PRORP: variants seen among roughly 807,000 people sequenced by gnomAD.
PRORP encodes the protein protein only RNase P catalytic subunit.
PRORP carries 51 observed loss-of-function variants against 59.4 expected under a neutral mutation model. The ratio of observed to expected loss-of-function variants is 0.86; its 90% CI spans 0.69 to 1.08. PRORP has a LOEUF of 1.08. PRORP is among the 50% of genes least tolerant of loss of function. PRORP has a pLI of 0.00. For synonymous variants in PRORP, 231 were observed against 245.6 expected, an observed-to-expected ratio of 0.94 and a Z score of 0.55; for missense variants, 646 against 690.3, an observed-to-expected ratio of 0.94 and a Z score of 0.72.
chr14:35,142,115 C>G (rs572611996), intron 4 of PRORP, among the ~76,000 whole-genome samples: 2 of 144,194 alleles, frequency 1.4e-5, no homozygotes, highest in African/African-American at 2.4e-5. Context: ...CTGACCTCAG[C>G]TGATCCATCC....
chr14:35,214,401 G>A (rs1018355394), intron 5 of PRORP, among the ~76,000 whole-genome samples: 2 of 152,132 alleles, frequency 1.3e-5, no homozygotes, highest in African/African-American at 2.4e-5. Context: ...CTCATATTAC[G>A]ATTTTGTTTT....
chr14:35,215,747 C>T (rs769960187), intron 5 of PRORP, among the ~76,000 whole-genome samples: 36 of 151,806 alleles, frequency 2.4e-4, no homozygotes, highest in Non-Finnish European at 3.2e-4. Flanking sequence ...GCCCAGGTGA[C>T]AGAGTAAGAC....
chr14:35,127,207 A>G (rs1225272658), intron 3 of PRORP, among the ~76,000 whole-genome samples: 1 of 152,094 alleles, frequency 6.6e-6, no homozygotes, highest in Non-Finnish European at 1.5e-5. Context: ...CCTGGCCAAC[A>G]TGTTGAAACC....
chr14:35,136,301 C>T (rs1001199485), intron 4 of PRORP, among the ~76,000 whole-genome samples: 1 of 152,112 alleles, frequency 6.6e-6, no homozygotes, highest in Non-Finnish European at 1.5e-5. Flanking sequence ...TTTTGTCACC[C>T]TGGAAAGATG....
At chr14:35,253,073 C>T (rs1370526012) in intron 5 of PRORP, among the ~76,000 whole-genome samples, 1 of 152,232 alleles carries the variant, frequency 6.6e-6, no homozygotes, top group East Asian at 1.9e-4. Context: ...GTGGCTCATG[C>T]CTGTAATCCC....
chr14:35,181,894 T>C (rs929566931), intron 5 of PRORP, among the ~76,000 whole-genome samples: 3 of 150,448 alleles, frequency 2.0e-5, no homozygotes, highest in African/African-American at 7.4e-5. Flanking sequence ...ATGGGAAGAA[T>C]AGAAAAATTT....
At chr14:35,178,910 T>C (rs1353299093) in intron 4 of PRORP, among the ~76,000 whole-genome samples, 2 of 152,202 alleles carry the variant, frequency 1.3e-5, no homozygotes, top group Non-Finnish European at 2.9e-5. Context: ...AGTGCTTCCT[T>C]CAGAAGCTCT....
intron 5 of PRORP, among the ~76,000 whole-genome samples, chr14:35,193,929 TGTCCTTCTTTGAAGAA>T (rs1289489580): frequency 1.3e-5 from 2 of 152,214 alleles, no homozygotes; most frequent in Non-Finnish European, 2.9e-5. Flanking sequence ...CACACTTGGG[TGTCCTTCTTTGAAGAA>T]CATACTGTCT....
At chr14:35,174,739 CTTTTTTTTTTCTTT>C (rs1049250538) in intron 4 of PRORP, among the ~76,000 whole-genome samples, 2 of 110,360 alleles carry the variant, frequency 1.8e-5, no homozygotes, top group East Asian at 2.5e-4. Context: ...GTTCATTCTT[CTTTTTTTTTTCTTT>C]TTTTTTTTTT....
chr14:35,149,291 TG>T (rs1425267668), intron 4 of PRORP, among the ~76,000 whole-genome samples: 2 of 151,898 alleles, frequency 1.3e-5, no homozygotes, highest in Non-Finnish European at 2.9e-5. Flanking sequence ...CATAGTCCAC[TG>T]GGGCCTCGAA....
At chr14:35,152,657 G>T (rs954234284) in intron 4 of PRORP, among the ~76,000 whole-genome samples, 1 of 150,518 alleles carries the variant, frequency 6.6e-6, no homozygotes, top group African/African-American at 2.5e-5. Flanking sequence ...TGGCGGAGAC[G>T]CTCCTCACTT....
intron 4 of PRORP, among the ~76,000 whole-genome samples, chr14:35,161,077 CCG>C (rs141266832): frequency 0.4 from 60,826 of 151,820 alleles, 12,645 homozygotes; most frequent in East Asian, 0.68. Flanking sequence ...CATGTGAAGA[CCG>C]GAGCCCATTT....
intron 5 of PRORP, among the ~76,000 whole-genome samples, chr14:35,221,976 C>G (rs1453064785): frequency 6.6e-6 from 1 of 152,164 alleles, no homozygotes; most frequent in Non-Finnish European, 1.5e-5. Flanking sequence ...AGTCACTTCA[C>G]TTGTCTTGTA....
chr14:35,228,811 A>G (rs1252119175), intron 5 of PRORP, among the ~76,000 whole-genome samples: 1 of 152,206 alleles, frequency 6.6e-6, no homozygotes, highest in Non-Finnish European at 1.5e-5. Flanking sequence ...TATTTTTAAT[A>G]TATACCCAGT....
At chr14:35,142,800 G>A (rs1375770086) in intron 4 of PRORP, among the ~76,000 whole-genome samples, 1 of 143,946 alleles carries the variant, frequency 6.9e-6, no homozygotes, top group African/African-American at 2.5e-5. Flanking sequence ...CTGAGATCGC[G>A]CCACTGCATT....
At chr14:35,122,229 G>C (rs2046932912), upstream of PRORP, 2 of 471,080 alleles carry the variant, frequency 4.2e-6, no homozygotes, top group South Asian at 2.7e-5. Flanking sequence ...CACCAAGCCG[G>C]ATTTTAAAGG....
chr14:35,195,585 A>G (rs1022184090), intron 5 of PRORP, among the ~76,000 whole-genome samples: 5 of 152,136 alleles, frequency 3.3e-5, no homozygotes, highest in Non-Finnish European at 5.9e-5. Context: ...AAACTCACAC[A>G]TATTTTAAAG....
rs552299530 is a variant in PRORP at position 35,130,312 on chromosome 14, G to A, written c.1167+2701G>A. 1.1e-4 allele frequency among the ~76,000 whole-genome samples: 16 copies of A among 152,182 alleles called. No individual in the cohort carries two copies. In the South Asian group the frequency reaches 2.3e-3, roughly 22 times the overall value. The stretch of plus-strand genomic sequence containing the variant: ...CTCCCAAACTGCTGGGATTACAGGC[G>A]TAAGGCACTGCCTCACTAAACTCAT... On this transcript the variant is annotated intron_variant, in intron 4 of 7. Transcript: ENST00000534898.
At chr14:35,226,317 A>T (rs1595344488) in intron 5 of PRORP, among the ~76,000 whole-genome samples, 1 of 152,372 alleles carries the variant, frequency 6.6e-6, no homozygotes, top group South Asian at 2.1e-4. Flanking sequence ...AATCCCACAG[A>T]TACCTAAATC....
Sources: allele counts gnomAD v4.1 joint callset (sites outside exome capture counted in the v4.1 genomes callset), GRCh38; gene constraint gnomAD v4.1.1; transcripts MANE v1.5; gene names NCBI Gene and HGNC (gene_info 2026-07-23, HGNC 2026-07-21).